Variants in SUPT3H observed in about 807,000 individuals in gnomAD.
SUPT3H encodes the protein transcription initiation protein SPT3 homolog.
SUPT3H carries 44 observed loss-of-function variants against 44.3 expected under a neutral mutation model. The ratio of observed to expected loss-of-function variants is 0.99; its 90% CI spans 0.78 to 1.28. The LOEUF (loss-of-function observed/expected upper bound fraction) is 1.28. Ranked by LOEUF, SUPT3H falls within the 50% of genes most tolerant of loss-of-function variation. SUPT3H has a pLI of 0.00. For missense variants in SUPT3H, 380 were observed against 387.1 expected (o/e 0.98, Z 0.15); for synonymous variants, 124 against 125.6 (o/e 0.99, Z 0.09).
chr6:44,958,498 C>G (rs544187522), intron 7 of SUPT3H, among the ~76,000 whole-genome samples: 1 of 152,162 alleles, frequency 6.6e-6, no homozygotes, highest in Admixed American at 6.5e-5. Flanking sequence ...CTGGAAACTT[C>G]CCTAGCAGGA....
chr6:44,884,446 C>T (rs143327200), intron 10 of SUPT3H, among the ~76,000 whole-genome samples: 7,209 of 152,160 alleles, frequency 0.047, 245 homozygotes, highest in South Asian at 0.13. Context: ...GACAGTGTGG[C>T]GATTCCTCCA....
chr6:45,084,281 A>C (rs1048208157), intron 3 of SUPT3H, among the ~76,000 whole-genome samples: 6 of 152,208 alleles, frequency 3.9e-5, no homozygotes, highest in African/African-American at 1.4e-4. Context: ...TAAGGAACTT[A>C]AACAATCCAA....
At chr6:44,986,419 G>A (rs940351582) in intron 6 of SUPT3H, among the ~76,000 whole-genome samples, 1 of 152,152 alleles carries the variant, frequency 6.6e-6, no homozygotes, top group African/African-American at 2.4e-5. Context: ...TATCTGGCAT[G>A]CAGTAAGTGC....
At chr6:44,999,655 TAA>T (rs898983319) in intron 6 of SUPT3H, among the ~76,000 whole-genome samples, 2 of 151,992 alleles carry the variant, frequency 1.3e-5, no homozygotes, top group African/African-American at 2.4e-5. Context: ...AGATATTTAT[TAA>T]AGTCTTTTTT....
At chr6:45,084,819 G>A (rs1235840268) in intron 3 of SUPT3H, among the ~76,000 whole-genome samples, 3 of 152,136 alleles carry the variant, frequency 2.0e-5, no homozygotes, top group Admixed American at 1.3e-4. Flanking sequence ...CAGAAACATT[G>A]ATATAGCTGG....
chr6:44,893,226 T>C (rs539020336), intron 10 of SUPT3H, among the ~76,000 whole-genome samples: 3 of 152,294 alleles, frequency 2.0e-5, no homozygotes, highest in South Asian at 2.1e-4. Flanking sequence ...AATAAAAATG[T>C]ATTTTTTTTA....
At chr6:45,218,129 T>C (rs1765394993) in intron 2 of SUPT3H, among the ~76,000 whole-genome samples, 1 of 152,028 alleles carries the variant, frequency 6.6e-6, no homozygotes, top group African/African-American at 2.4e-5. Context: ...TAAAAACACG[T>C]GAAGGTAATC....
intron 2 of SUPT3H, among the ~76,000 whole-genome samples, chr6:45,305,548 T>A (rs922690543): frequency 6.6e-6 from 1 of 152,206 alleles, no homozygotes; most frequent in African/African-American, 2.4e-5. Flanking sequence ...AGAGTTCCCT[T>A]TCTTTATGTG....
chr6:44,905,310 C>T (rs907017343), intron 10 of SUPT3H, among the ~76,000 whole-genome samples: 3 of 151,982 alleles, frequency 2.0e-5, no homozygotes, highest in African/African-American at 7.3e-5. Context: ...CAATGATCTC[C>T]AACAATTTAC....
intron 3 of SUPT3H, among the ~76,000 whole-genome samples, chr6:45,022,906 T>C (rs1314305428): frequency 6.6e-6 from 1 of 152,122 alleles, no homozygotes; most frequent in Admixed American, 6.6e-5. Flanking sequence ...GGAATACTAT[T>C]TTCCATCCAT....
At chr6:44,901,096 A>C (rs1047113833) in intron 10 of SUPT3H, among the ~76,000 whole-genome samples, 5 of 152,204 alleles carry the variant, frequency 3.3e-5, no homozygotes, top group African/African-American at 9.6e-5. Context: ...AAAAACTGGA[A>C]ACTCTAAAAA....
At chr6:45,020,161 T>A (rs1458499404) in intron 4 of SUPT3H, among the ~76,000 whole-genome samples, 2 of 151,958 alleles carry the variant, frequency 1.3e-5, no homozygotes, top group African/African-American at 4.8e-5. Context: ...AAAATTACTC[T>A]ATGAAAGTCT....
intron 2 of SUPT3H, among the ~76,000 whole-genome samples, chr6:45,288,914 A>ACC (rs1779853323): frequency 6.6e-6 from 1 of 151,998 alleles, no homozygotes; most frequent in Non-Finnish European, 1.5e-5. Flanking sequence ...GTTTTAAAGA[A>ACC]TTACATGAGA....
intron 2 of SUPT3H, among the ~76,000 whole-genome samples, chr6:45,128,903 C>G (rs1384110350): frequency 1.3e-5 from 2 of 152,056 alleles, no homozygotes; most frequent in African/African-American, 4.8e-5. Context: ...CCAGGCTGGT[C>G]TCAAACTCCT....
intron 10 of SUPT3H, among the ~76,000 whole-genome samples, chr6:44,842,161 T>C (rs1771047279): frequency 6.6e-6 from 1 of 152,140 alleles, no homozygotes; most frequent in Admixed American, 6.5e-5. Flanking sequence ...AGGAAGGCTT[T>C]GATAGGATGC....
intron 10 of SUPT3H, among the ~76,000 whole-genome samples, chr6:44,857,680 G>C (rs1320235040): frequency 2.0e-5 from 3 of 152,050 alleles, no homozygotes; most frequent in Admixed American, 1.3e-4. Flanking sequence ...TCTTACCTAG[G>C]ATTACATAAA....
chr6:44,953,234 A>G (rs1562121827), intron 9 of SUPT3H, 76 bp downstream of exon 9: 5 of 1,103,056 alleles, frequency 4.5e-6, no homozygotes, highest in African/African-American at 1.5e-5. Context: ...AATCTTTATT[A>G]AAGAATCACT....
intron 2 of SUPT3H, among the ~76,000 whole-genome samples, chr6:45,216,401 C>G (rs1242038435): frequency 3.3e-5 from 5 of 152,044 alleles, no homozygotes; most frequent in African/African-American, 1.2e-4. Context: ...ATATATAAAA[C>G]AACCAGAAAA....
intron 2 of SUPT3H, among the ~76,000 whole-genome samples, chr6:45,250,092 G>T (rs994794889): frequency 3.3e-5 from 5 of 152,054 alleles, no homozygotes; most frequent in African/African-American, 1.2e-4. Context: ...TACAATAAAG[G>T]TCTACCTCAA....
Sources: allele counts gnomAD v4.1 joint callset (sites outside exome capture counted in the v4.1 genomes callset), GRCh38; gene constraint gnomAD v4.1.1; transcripts MANE v1.5; gene names NCBI Gene and HGNC (gene_info 2026-07-23, HGNC 2026-07-21).